The following LHFPL3 variants were observed in gnomAD, a reference collection of about 807,000 sequenced individuals.
LHFPL3 encodes the protein LHFPL tetraspan subfamily member 3.
A neutral mutation model predicts 19.3 loss-of-function variants in LHFPL3; 5 were observed. The ratio of observed to expected loss-of-function variants is 0.26; its 90% CI spans 0.14 to 0.54. LHFPL3 has a LOEUF of 0.54. LHFPL3 is among the 20% of genes least tolerant of loss of function. The probability of loss-of-function intolerance (pLI) is 0.94; values close to 1 mark genes in which losing one functional copy is unlikely to be tolerated. For missense variants in LHFPL3, 249 were observed against 307.4 expected, an observed-to-expected ratio of 0.81 and a Z score of 1.42; for synonymous variants, 133 against 126.2, an observed-to-expected ratio of 1.05 and a Z score of -0.36.
chr7:104,898,453 T>A (rs1792410825), intron 2 of LHFPL3, among the ~76,000 whole-genome samples: 1 of 152,158 alleles, frequency 6.6e-6, no homozygotes, highest in Non-Finnish European at 1.5e-5. Context: ...TGAGGGTGAT[T>A]ATCTGTTAAT....
At chr7:104,551,140 C>T (rs1002299236) in intron 1 of LHFPL3, among the ~76,000 whole-genome samples, 2 of 149,930 alleles carry the variant, frequency 1.3e-5, no homozygotes, top group Non-Finnish European at 3.0e-5. Context: ...CACACACACA[C>T]TTCATGTTTG....
intron 1 of LHFPL3, among the ~76,000 whole-genome samples, chr7:104,562,770 G>C (rs1238560040): frequency 6.6e-6 from 1 of 151,696 alleles, no homozygotes; most frequent in Admixed American, 6.6e-5. Flanking sequence ...GCTTTTTAGA[G>C]TTTCCAGTTT....
chr7:104,572,408 AT>A (rs1790246750), intron 1 of LHFPL3, among the ~76,000 whole-genome samples: 1 of 152,228 alleles, frequency 6.6e-6, no homozygotes. Context: ...TTTCAAAAGA[AT>A]TAATATTCTA....
rs180805207 is a variant in LHFPL3, at chr7:104,865,263, G to A, written c.683-40924G>A. On this transcript the variant is annotated intron_variant, in intron 2 of 2. Coordinates refer to ENST00000424859, the MANE Select transcript of LHFPL3 (RefSeq NM_199000.3). ...GAGTTGAGAGAAGAAGGCTTCAGAC[G>A]ATCAAACTACTCCGAGCTAAAGGAG... Among the ~76,000 whole-genome samples the A allele has an allele frequency of 4.0e-3, 616 of 152,174 alleles. 8 individuals carry two copies. Among genetic ancestry groups the A allele is most frequent in the African/African-American group, 0.014 (566 of 41,522 alleles).
intron 2 of LHFPL3, among the ~76,000 whole-genome samples, chr7:104,758,941 T>G (rs933040874): frequency 6.6e-6 from 1 of 152,186 alleles, no homozygotes; most frequent in Admixed American, 6.5e-5. Flanking sequence ...TAATTTAAGT[T>G]GTGCAAATAA....
intron 1 of LHFPL3, among the ~76,000 whole-genome samples, chr7:104,383,720 G>C (rs924045330): frequency 6.6e-6 from 1 of 152,092 alleles, no homozygotes; most frequent in African/African-American, 2.4e-5. Flanking sequence ...TAAGATTGTA[G>C]GAATTGCTTA....
At chr7:104,669,658 G>C in intron 1 of LHFPL3, 1 of 1,345,444 alleles carries the variant, frequency 7.4e-7, no homozygotes, top group Non-Finnish European at 1.0e-6. Flanking sequence ...ATCCAGACAA[G>C]ACAAAATAAA....
intron 1 of LHFPL3, among the ~76,000 whole-genome samples, chr7:104,540,455 A>G (rs1794464937): frequency 6.6e-6 from 1 of 152,172 alleles, no homozygotes; most frequent in Admixed American, 6.5e-5. Flanking sequence ...CCTATAATGC[A>G]CAGGACAGTC....
intron 2 of LHFPL3, among the ~76,000 whole-genome samples, chr7:104,813,422 G>A (rs1398355744): frequency 6.6e-6 from 1 of 152,168 alleles, no homozygotes; most frequent in East Asian, 1.9e-4. Context: ...GGGATCTTTG[G>A]GGTACCATTT....
At chr7:104,462,402 T>G (rs113804863) in intron 1 of LHFPL3, among the ~76,000 whole-genome samples, 3,976 of 152,294 alleles carry the variant, frequency 0.026, 158 homozygotes, top group African/African-American at 0.091. Context: ...GTATGTTCCT[T>G]CAATATGTAG....
intron 1 of LHFPL3, among the ~76,000 whole-genome samples, chr7:104,563,263 G>C (rs533139679): frequency 2.0e-5 from 3 of 152,226 alleles, no homozygotes; most frequent in Admixed American, 6.5e-5. Context: ...GGGCAATGGC[G>C]GGCGCCCCTC....
chr7:104,819,195 A>C (rs1374421858), intron 2 of LHFPL3, among the ~76,000 whole-genome samples: 1 of 152,158 alleles, frequency 6.6e-6, no homozygotes, highest in African/African-American at 2.4e-5. Context: ...TCACATGAAC[A>C]ATAGGAATGT....
chr7:104,855,748 C>A (rs1246584599), intron 2 of LHFPL3, among the ~76,000 whole-genome samples: 1 of 151,980 alleles, frequency 6.6e-6, no homozygotes, highest in Non-Finnish European at 1.5e-5. Flanking sequence ...CTCAGCTTCA[C>A]GAGTAGCTGG....
chr7:104,904,430 C>A lies in LHFPL3; in HGVS notation c.683-1757C>A, dbSNP rs918329065. On this transcript the variant is annotated intron_variant, in intron 2 of 2. Coordinates refer to ENST00000424859, the MANE Select transcript of LHFPL3 (RefSeq NM_199000.3). ...CTTTGGGAGGCCGAGGCAGGTGGATCACTTGAGGTCAGGAGTTCAAGACCA... is the reference window on the plus strand; with the variant it reads ...CTTTGGGAGGCCGAGGCAGGTGGATAACTTGAGGTCAGGAGTTCAAGACCA... Among the ~76,000 whole-genome samples the A allele has an allele frequency of 3.3e-5, 5 of 152,310 alleles. No homozygotes were observed. In the East Asian group the frequency reaches 9.6e-4, roughly 29 times the overall value.
intron 2 of LHFPL3, among the ~76,000 whole-genome samples, chr7:104,827,626 T>C (rs1004418990): frequency 2.0e-5 from 3 of 151,700 alleles, no homozygotes; most frequent in Non-Finnish European, 2.9e-5. Context: ...TTTTTTTTGA[T>C]TGATAGTATC....
rs139621329 is a variant in LHFPL3 at position 104,655,100 on chromosome 7, C to T, written c.446-81575C>T. On this transcript the variant is annotated intron_variant, in intron 1 of 2. Coordinates refer to ENST00000424859, the MANE Select transcript of LHFPL3 (RefSeq NM_199000.3). Reference sequence around the variant, plus strand: ...CAATCGTTCCACTCCCTCCCTCTATCTGCTATTAGCTCTGTACTATGTAGC... The same window carrying T: ...CAATCGTTCCACTCCCTCCCTCTATTTGCTATTAGCTCTGTACTATGTAGC... Among the ~76,000 whole-genome samples the T allele has an allele frequency of 2.2e-3, 339 of 152,320 alleles. 2 individuals carry two copies. Among genetic ancestry groups the T allele is most frequent in the African/African-American group, 8.0e-3 (332 of 41,564 alleles).
chr7:104,419,146 A>G (rs564316159), intron 1 of LHFPL3, among the ~76,000 whole-genome samples: 1 of 152,326 alleles, frequency 6.6e-6, no homozygotes, highest in South Asian at 2.1e-4. Context: ...TAAGTTGGAG[A>G]TTGATGAAAG....
chr7:104,481,513 T>TG (rs910676207), intron 1 of LHFPL3, among the ~76,000 whole-genome samples: 1 of 152,180 alleles, frequency 6.6e-6, no homozygotes, highest in African/African-American at 2.4e-5. Flanking sequence ...TGCTTGCCTC[T>TG]GGGCCTTTGC....
At chr7:104,755,712 T>C (rs1401946602) in intron 2 of LHFPL3, among the ~76,000 whole-genome samples, 14 of 152,022 alleles carry the variant, frequency 9.2e-5, no homozygotes, top group Non-Finnish European at 2.9e-5. Flanking sequence ...TTGTTTGTTT[T>C]GAGATGGAGT....
Sources: gnomAD v4.1 joint callset for allele counts (sites outside exome capture counted in the v4.1 genomes callset) on GRCh38, gnomAD v4.1.1 for gene constraint, MANE v1.5 for transcripts, NCBI Gene and HGNC (gene_info 2026-07-23, HGNC 2026-07-21) for gene names.